Variants in NPAS3 observed in about 807,000 individuals in gnomAD.
NPAS3 encodes neuronal PAS domain-containing protein 3.
Under a neutral mutation model 73.1 loss-of-function variants are expected in NPAS3, and 14 were observed. The observed-to-expected ratio is 0.19, with a 90% confidence interval of 0.13 to 0.30. NPAS3 has a LOEUF of 0.30. Ranked by LOEUF, NPAS3 falls within the 10% of genes least tolerant of loss-of-function variation. The probability of loss-of-function intolerance (pLI) is 1.00; values close to 1 mark genes in which losing one functional copy is unlikely to be tolerated. For missense variants in NPAS3, 1,096 were observed against 1,250.0 expected (o/e 0.88, Z 1.86); for synonymous variants, 620 against 541.5 (o/e 1.14, Z -2.01).
chr14:33,109,810 CTTTTTT>C (rs67439887), intron 2 of NPAS3, among the ~76,000 whole-genome samples: 1 of 86,948 alleles, frequency 1.2e-5, no homozygotes, highest in Admixed American at 1.5e-4. Flanking sequence ...ATTTGCATGT[CTTTTTT>C]TTTTTTTTTT....
chr14:33,764,920 G>T (rs1595572394), intron 7 of NPAS3, among the ~76,000 whole-genome samples: 1 of 152,196 alleles, frequency 6.6e-6, no homozygotes, highest in South Asian at 2.1e-4. Flanking sequence ...TTTATTAAAT[G>T]ATATTTGAAG....
chr14:32,967,794 A>T (rs139536224), intron 1 of NPAS3, among the ~76,000 whole-genome samples: 2,044 of 152,278 alleles, frequency 0.013, 20 homozygotes, highest in Middle Eastern at 0.051. Flanking sequence ...TAAAAAATAA[A>T]AAACGGTAGT....
At chr14:33,686,974 A>C (rs556327961) in intron 6 of NPAS3, among the ~76,000 whole-genome samples, 1 of 152,342 alleles carries the variant, frequency 6.6e-6, no homozygotes, top group Admixed American at 6.5e-5. Flanking sequence ...ACAAACAAAA[A>C]AAGTCATTTA....
At chr14:33,441,332 C>T (rs1002821202) in intron 4 of NPAS3, among the ~76,000 whole-genome samples, 9 of 152,050 alleles carry the variant, frequency 5.9e-5, no homozygotes, top group South Asian at 4.1e-4. Context: ...CTTATCCAAA[C>T]GTTTTAGTCA....
intron 7 of NPAS3, among the ~76,000 whole-genome samples, chr14:33,742,070 T>C (rs886534457): frequency 2.6e-5 from 4 of 152,194 alleles, no homozygotes; most frequent in Admixed American, 2.0e-4. Flanking sequence ...CTCAACCTAA[T>C]AGATTTATTT....
chr14:33,333,311 T>C (rs966450297), intron 3 of NPAS3, among the ~76,000 whole-genome samples: 7 of 152,228 alleles, frequency 4.6e-5, no homozygotes, highest in African/African-American at 1.7e-4. Context: ...AATTGTGCAG[T>C]TGCCCTGGAA....
intron 4 of NPAS3, among the ~76,000 whole-genome samples, chr14:33,451,608 A>G (rs1430899374): frequency 6.6e-6 from 1 of 152,218 alleles, no homozygotes; most frequent in Non-Finnish European, 1.5e-5. Flanking sequence ...TGTATAACAA[A>G]TATTAAAAAT....
At chr14:33,510,540 C>T (rs553527515) in intron 4 of NPAS3, among the ~76,000 whole-genome samples, 1 of 152,126 alleles carries the variant, frequency 6.6e-6, no homozygotes, top group African/African-American at 2.4e-5. Flanking sequence ...GAGTTAACAG[C>T]ATTATGTTGT....
chr14:33,505,170 A>G (rs931404059), intron 4 of NPAS3, among the ~76,000 whole-genome samples: 2 of 152,052 alleles, frequency 1.3e-5, no homozygotes, highest in Non-Finnish European at 2.9e-5. Context: ...TAACAAGAAT[A>G]CATATCAGCC....
chr14:33,598,129 A>AT (rs2057299570), intron 5 of NPAS3, among the ~76,000 whole-genome samples: 1 of 152,228 alleles, frequency 6.6e-6, no homozygotes, highest in Non-Finnish European at 1.5e-5. Context: ...AGTAGGAGGC[A>AT]CATTCTCCCT....
intron 4 of NPAS3, among the ~76,000 whole-genome samples, chr14:33,417,953 T>C (rs1260351192): frequency 2.6e-5 from 4 of 152,058 alleles, no homozygotes; most frequent in African/African-American, 9.7e-5. Flanking sequence ...ATGATTTTGG[T>C]TCCCCTGGAA....
intron 2 of NPAS3, among the ~76,000 whole-genome samples, chr14:33,183,695 C>A (rs1373148401): frequency 6.6e-6 from 1 of 151,916 alleles, no homozygotes; most frequent in Admixed American, 6.6e-5. Context: ...TCAGAGTGAC[C>A]TTCTAAAGTC....
intron 2 of NPAS3, among the ~76,000 whole-genome samples, chr14:33,119,192 T>C (rs576065060): frequency 4.3e-4 from 66 of 152,202 alleles, no homozygotes; most frequent in African/African-American, 1.4e-3. Flanking sequence ...TACATGAAAA[T>C]GTAGCAAATT....
chr14:32,966,807 A>C (rs1448452593), intron 1 of NPAS3, among the ~76,000 whole-genome samples: 1 of 151,566 alleles, frequency 6.6e-6, no homozygotes, highest in Non-Finnish European at 1.5e-5. Flanking sequence ...AAAGAACCCA[A>C]ATTATGAAAC....
intron 1 of NPAS3, among the ~76,000 whole-genome samples, chr14:33,042,570 C>A (rs1244649543): frequency 6.6e-6 from 1 of 152,164 alleles, no homozygotes; most frequent in African/African-American, 2.4e-5. Flanking sequence ...GCTCTCTACC[C>A]CATTCTATTT....
chr14:33,294,314 AC>A (rs1410815384), intron 3 of NPAS3, among the ~76,000 whole-genome samples: 1 of 151,990 alleles, frequency 6.6e-6, no homozygotes, highest in Non-Finnish European at 1.5e-5. Flanking sequence ...AGACATATTT[AC>A]CTTTTTCTGG....
At chr14:33,663,066 A>AT (rs1003356355) in intron 5 of NPAS3, among the ~76,000 whole-genome samples, 4 of 150,584 alleles carry the variant, frequency 2.7e-5, no homozygotes, top group Admixed American at 6.6e-5. Context: ...AATACCCTTT[A>AT]TTTTTTTTCT....
intron 1 of NPAS3, among the ~76,000 whole-genome samples, chr14:32,954,426 G>A (rs2036596608): frequency 6.6e-6 from 1 of 152,102 alleles, no homozygotes; most frequent in South Asian, 2.1e-4. Context: ...GATAGGTTCT[G>A]TAATATTTCT....
chr14:33,797,290 C>G (rs571165258), intron 10 of NPAS3, among the ~76,000 whole-genome samples, 167 bp from the exon 11 acceptor site: 2 of 152,232 alleles, frequency 1.3e-5, no homozygotes, highest in Non-Finnish European at 2.9e-5. Context: ...CACATGCAAG[C>G]CAAGCTTCCA....
Sources: gnomAD v4.1 joint callset for allele counts (sites outside exome capture counted in the v4.1 genomes callset) on GRCh38, gnomAD v4.1.1 for gene constraint, MANE v1.5 for transcripts, NCBI Gene and HGNC (gene_info 2026-07-23, HGNC 2026-07-21) for gene names.